Variants in FBXL13 observed in about 807,000 individuals in gnomAD.
The protein encoded by FBXL13 is F-box and leucine rich repeat protein 13.
A neutral mutation model predicts 83.6 loss-of-function variants in FBXL13; 67 were observed. The observed-to-expected ratio is 0.80, with a 90% CI of 0.66 to 0.98. The LOEUF is 0.98. Ranked by LOEUF, FBXL13 falls within the 50% of genes least tolerant of loss-of-function variation. The probability of loss-of-function intolerance (pLI) is 0.00; values close to 1 mark genes in which losing one functional copy is unlikely to be tolerated. For synonymous variants in FBXL13, 272 were observed against 299.5 expected, an observed-to-expected ratio of 0.91 and a Z score of 0.95; for missense variants, 822 against 866.5, an observed-to-expected ratio of 0.95 and a Z score of 0.64.
chr7:103,000,991 C>T (rs980342417), intron 6 of FBXL13, among the ~76,000 whole-genome samples: 3 of 152,168 alleles, frequency 2.0e-5, no homozygotes, highest in African/African-American at 7.2e-5. Flanking sequence ...GTTACCCAGG[C>T]TGGAGTGCAG....
chr7:102,812,123 T>C (rs913990258), downstream of FBXL13, among the ~76,000 whole-genome samples: 4 of 152,228 alleles, frequency 2.6e-5, no homozygotes, highest in African/African-American at 9.6e-5. Flanking sequence ...CTGATATTGC[T>C]GACAAGGCTT....
intron 11 of FBXL13, among the ~76,000 whole-genome samples, chr7:102,911,826 A>T (rs1814734917): frequency 6.6e-6 from 1 of 152,200 alleles, no homozygotes; most frequent in Admixed American, 6.5e-5. Context: ...GTTATGGTAG[A>T]TGTTGATGTT....
rs59206823 is a variant in FBXL13, at chr7:103,024,135, A to AAGAGAGAGAGAGAGAG, written c.495+912_495+927dup. On this transcript the variant is annotated intron_variant, in intron 6 of 19. Transcript: ENST00000313221. The stretch of plus-strand genomic sequence containing the variant: ...CCCTCAACCTAAAATAAAAGTTAAA[A>AAGAGAGAGAGAGAGAG]AGAGAGAGAGAGAGAGAGAGAGAGA... Among the ~76,000 whole-genome samples, 328 of 96,632 alleles carry AAGAGAGAGAGAGAGAG rather than the reference A, an allele frequency of 3.4e-3. 9 individuals carry two copies. Among genetic ancestry groups the AAGAGAGAGAGAGAGAG allele is most frequent in the Non-Finnish European group, 4.5e-3 (201 of 44,572 alleles). 63.4% of individuals were successfully genotyped at this position (96,632 alleles called of 152,430 possible).
intron 16 of FBXL13, among the ~76,000 whole-genome samples, chr7:102,870,794 T>C (rs1371867034): frequency 1.3e-5 from 2 of 152,152 alleles, no homozygotes; most frequent in African/African-American, 2.4e-5. Context: ...CACTTGCCTA[T>C]AGTCCCAGCT....
At chr7:102,878,125 A>T (rs1300743915) in intron 15 of FBXL13, among the ~76,000 whole-genome samples, 1 of 152,146 alleles carries the variant, frequency 6.6e-6, no homozygotes, top group African/African-American at 2.4e-5. Context: ...CTCAGATGTA[A>T]TTTAAATATA....
At chr7:102,905,728 A>C (rs528610336) in intron 11 of FBXL13, among the ~76,000 whole-genome samples, 1 of 151,378 alleles carries the variant, frequency 6.6e-6, no homozygotes, top group Non-Finnish European at 1.5e-5. Context: ...ACTGAAGGCA[A>C]TTTTCTCTGG....
chr7:102,830,404 G>T (rs1017568741), intron 18 of FBXL13, among the ~76,000 whole-genome samples: 1 of 152,076 alleles, frequency 6.6e-6, no homozygotes, highest in Admixed American at 6.5e-5. Context: ...TGCTATGAAC[G>T]CAAGAATCTC....
chr7:102,880,386 T>C (rs535195633), intron 14 of FBXL13, among the ~76,000 whole-genome samples: 1 of 152,240 alleles, frequency 6.6e-6, no homozygotes, highest in African/African-American at 2.4e-5. Context: ...TTCAGAATGA[T>C]CTCCCAGCTC....
At chr7:102,896,713 T>C (rs188833168) in intron 11 of FBXL13, among the ~76,000 whole-genome samples, 2 of 152,308 alleles carry the variant, frequency 1.3e-5, no homozygotes, top group Admixed American at 1.3e-4. Flanking sequence ...TGCTTGTGTC[T>C]GTGTCCAAAT....
chr7:102,912,154 ACCACCC>A (rs1416237044), intron 11 of FBXL13, among the ~76,000 whole-genome samples: 2,864 of 152,224 alleles, frequency 0.019, 83 homozygotes, highest in African/African-American at 0.066. Context: ...AACTTATTCA[ACCACCC>A]TGAGCCTTGG....
At chr7:102,960,922 C>T (rs1397390442) in intron 8 of FBXL13, among the ~76,000 whole-genome samples, 2 of 151,996 alleles carry the variant, frequency 1.3e-5, no homozygotes, top group African/African-American at 2.4e-5. Context: ...TGAAAACTGG[C>T]ACAAGACAGG....
intron 2 of FBXL13, among the ~76,000 whole-genome samples, chr7:103,052,250 A>G (rs1392234888): frequency 1.3e-5 from 2 of 152,240 alleles, no homozygotes; most frequent in African/African-American, 2.4e-5. Context: ...ATATTCATTT[A>G]GTATACTATA....
chr7:103,069,491 C>T (rs1283391921), intron 1 of FBXL13, among the ~76,000 whole-genome samples: 4 of 152,274 alleles, frequency 2.6e-5, no homozygotes, highest in South Asian at 2.1e-4. Flanking sequence ...TAAATACCTC[C>T]GAAGAGCAGA....
chr7:102,871,210 T>G (rs942678994), intron 16 of FBXL13, among the ~76,000 whole-genome samples: 1 of 152,090 alleles, frequency 6.6e-6, no homozygotes, highest in Non-Finnish European at 1.5e-5. Flanking sequence ...CTCCCCCATC[T>G]GCAGGTCCGG....
At chr7:102,867,695 A>ATATATATATATT (rs1239781180) in intron 16 of FBXL13, among the ~76,000 whole-genome samples, 8 of 49,074 alleles carry the variant, frequency 1.6e-4, no homozygotes, top group African/African-American at 9.8e-4. Context: ...ATATATATAT[A>ATATATATATATT]TTTTTTTTTT....
intron 2 of FBXL13, among the ~76,000 whole-genome samples, chr7:103,034,247 C>A (rs574946799): frequency 6.6e-5 from 10 of 152,322 alleles, no homozygotes; most frequent in Non-Finnish European, 1.2e-4. Context: ...TGCCCACACT[C>A]CTCAGCCATT....
At chr7:102,834,473 A>ATATATATATATATGTGTG (rs1491519097) in intron 17 of FBXL13, 1 of 141,542 alleles carries the variant, frequency 7.1e-6, no homozygotes, top group East Asian at 2.0e-4. Context: ...ATATATATAT[A>ATATATATATATATGTGTG]TGTGATGTGG....
chr7:102,851,441 C>CTCCT (rs752979463), intron 17 of FBXL13, among the ~76,000 whole-genome samples: 1 of 149,724 alleles, frequency 6.7e-6, no homozygotes, highest in Non-Finnish European at 1.5e-5. Flanking sequence ...TCTTTCTTCC[C>CTCCT]TCCTTCCTTC....
At chr7:103,049,606 G>A (rs528033787) in intron 2 of FBXL13, among the ~76,000 whole-genome samples, 1 of 152,298 alleles carries the variant, frequency 6.6e-6, no homozygotes, top group South Asian at 2.1e-4. Context: ...TGGCTTTGGG[G>A]TGGAGTCCTC....
Sources: allele counts gnomAD v4.1 joint callset (sites outside exome capture counted in the v4.1 genomes callset), GRCh38; gene constraint gnomAD v4.1.1; transcripts MANE v1.5; gene names NCBI Gene and HGNC (gene_info 2026-07-23, HGNC 2026-07-21).